BRD2: variants seen among roughly 807,000 people sequenced by gnomAD.
BRD2 encodes the protein bromodomain containing 2.
In BRD2, 15 loss-of-function variants were observed where a neutral mutation model predicts 79.1. That is an observed-to-expected ratio of 0.19 (90% CI 0.13 to 0.29). The LOEUF is 0.29. Ranked by LOEUF, BRD2 falls within the 10% of genes least tolerant of loss-of-function variation. The pLI is 1.00. For synonymous variants in BRD2, 488 were observed against 358.6 expected (o/e 1.36, Z -4.08); for missense variants, 1,053 against 991.3 (o/e 1.06, Z -0.84).
intron 2 of BRD2, 153 bp downstream of exon 2, chr6:32,973,080 T>G (rs1320137403): frequency 5.7e-6 from 9 of 1,580,340 alleles, no homozygotes; most frequent in Middle Eastern, 1.7e-4. Flanking sequence ...TGAGCGACGG[T>G]TTTGGAACGG....
In BRD2 at chr6:32,980,753, G is replaced by A; in HGVS notation, c.*35G>A. On this transcript the variant is annotated 3_prime_UTR_variant, in exon 13 of 13. Coordinates refer to ENST00000374825, the MANE Select transcript of BRD2 (RefSeq NM_005104.4). ...CCAGATGGGGCAGGAAGGCTCCGCAGGACCGGACCCCTAGACCACCCTGCC... is the reference window on the plus strand; with the variant it reads ...CCAGATGGGGCAGGAAGGCTCCGCAAGACCGGACCCCTAGACCACCCTGCC... 1 of 1,610,538 alleles carries A rather than the reference G, an allele frequency of 6.2e-7. No homozygotes were observed. Among genetic ancestry groups the A allele is most frequent in the Non-Finnish European group, 8.5e-7 (1 of 1,179,580 alleles).
At chr6:32,975,037 G>C (rs1778542769) in intron 3 of BRD2, 1 of 1,525,044 alleles carries the variant, frequency 6.6e-7, no homozygotes, top group South Asian at 1.2e-5. Context: ...ACCTCGGGTT[G>C]GGAGAGGACC....
In BRD2 at chr6:32,977,559, C is replaced by T; in HGVS notation, c.1318C>T (p.Arg440Ter). ...AGATCACGATGTTGTGGCAATGGCA[C>T]GAAAGCTACAGGTGAGTGGAAAGGT... ...PPDHDVVAMA[R>*]KLQDVFEFRY... is the part of the protein sequence containing the mutation. The change falls in exon 8 of 13, where the codon CGA (arginine) becomes TGA (stop). Residue 440 changes from arginine (R) to a stop codon, truncating the protein, a stop_gained. Coordinates refer to ENST00000374825, the MANE Select transcript of BRD2 (RefSeq NM_005104.4). LOFTEE classifies it high-confidence loss of function. The T allele has an allele frequency of 6.2e-7, 1 of 1,613,884 alleles. No individual in the cohort carries two copies. Among genetic ancestry groups the T allele is most frequent in the Non-Finnish European group, 8.5e-7 (1 of 1,179,996 alleles).
chr6:32,976,064 C>T lies in BRD2; in HGVS notation c.505C>T (p.Leu169=), dbSNP rs773765711. 6.2e-6 allele frequency: 10 copies of T among 1,612,172 alleles called. No individual in the cohort carries two copies. In the Admixed American group the frequency reaches 1.0e-4, roughly 16 times the overall value. ...TGATATTGTCCTAATGGCACAAACG[C>T]TGGAAAAGATATTCCTACAGAAGGT... The part of the protein sequence containing the change: ...TDDIVLMAQT[L]EKIFLQKVAS... The change falls in exon 5 of 13, where the codon CTG becomes TTG. Residue 169 remains leucine, a synonymous_variant. Transcript: ENST00000374825.
intron 2 of BRD2, among the ~76,000 whole-genome samples, chr6:32,973,755 T>C (rs1415382713): frequency 6.6e-6 from 1 of 152,202 alleles, no homozygotes; most frequent in Admixed American, 6.5e-5. Flanking sequence ...TTGACTGTTT[T>C]GTACGGCTTT....
At position 32,975,415 on chromosome 6, in the gene BRD2, A is replaced by G; in HGVS notation, c.365A>G (p.Asp122Gly). 1.2e-6 allele frequency: 2 copies of G among 1,609,704 alleles called. No homozygotes were observed. The highest frequency in any genetic ancestry group is 1.7e-6 in the Non-Finnish European group (2 of 1,177,138). Residue 122 changes from aspartate (D) to glycine (G), a missense_variant, in exon 4 of 13, where the codon GAC (aspartate) becomes GGC (glycine). Transcript: ENST00000374825. ...CACAAAATTATAAAACAGCCTATGG[A>G]CATGGGTACTATTAAGAGGAGACTT... is the stretch of plus-strand genomic sequence containing the variant. The part of the protein sequence containing the change: ...DYHKIIKQPM[D>G]MGTIKRRLEN...
chr6:32,972,816 T>C lies in BRD2; in HGVS notation c.-83T>C. ...AACGGCCTCCCCCCAACTTAGCGGG[T>C]TATGCTGGACCGGGCGGTGAGGGGA... On this transcript the variant is annotated 5_prime_UTR_variant, in exon 2 of 13. Transcript: ENST00000374825. The C allele has an allele frequency of 6.2e-7, 1 of 1,603,254 alleles. No homozygotes were observed. Among genetic ancestry groups the C allele is most frequent in the African/African-American group, 1.3e-5 (1 of 74,836 alleles).
Position 32,972,563 on chromosome 6 carries a change from C to T in BRD2, c.-336C>T, listed in dbSNP as rs1338679619. 26 of 442,084 alleles carry T rather than the reference C, an allele frequency of 5.9e-5. No individual in the cohort carries two copies. Among genetic ancestry groups the T allele is most frequent in the Non-Finnish European group, 6.5e-5 (16 of 246,166 alleles). The allele number at this position is 442,084 out of a possible 1,614,324, so 27.4% of individuals were successfully genotyped here. ...AGGGGCCCGACAAGAAGAGGGAATCCCTGCAGACCAACAGCGGGCTATATT... is the reference window on the plus strand; with the variant it reads ...AGGGGCCCGACAAGAAGAGGGAATCTCTGCAGACCAACAGCGGGCTATATT... On this transcript the variant is annotated 5_prime_UTR_variant, in exon 2 of 13. Coordinates refer to ENST00000374825, the MANE Select transcript of BRD2 (RefSeq NM_005104.4).
In BRD2 at chr6:32,975,447, AATT is replaced by A. The variant is rs770515794; in HGVS notation, c.404_406del (p.Tyr135del). ...TACTATTAAGAGGAGACTTGAAAAC[AATT>A]ATTATTGGGCTGCTTCAGAGTGTAT... is the stretch of plus-strand genomic sequence containing the variant. On this transcript the variant is annotated inframe_deletion, in exon 4 of 13. Transcript: ENST00000374825. 1.9e-6 allele frequency: 3 copies of A among 1,612,468 alleles called. No individual in the cohort carries two copies. Among genetic ancestry groups the A allele is most frequent in the Non-Finnish European group, 2.5e-6 (3 of 1,179,550 alleles).
At position 32,978,397 on chromosome 6, in the gene BRD2, G is replaced by T; in HGVS notation, c.1841+9G>T. The stretch of plus-strand genomic sequence containing the variant: ...GGAGGAAGTGGCACCAAGTGAGTTA[G>T]AGTAGGAAGCAGAGACTAGTTTGGC... On this transcript the variant is annotated intron_variant, in intron 10 of 12. Transcript: ENST00000374825. The T allele has an allele frequency of 6.2e-7, 1 of 1,610,244 alleles. No homozygotes were observed. Among genetic ancestry groups the T allele is most frequent in the African/African-American group, 1.3e-5 (1 of 74,868 alleles).
Position 32,980,868 on chromosome 6 carries a change from G to A in BRD2, c.*150G>A. The A allele has an allele frequency of 1.1e-6, 1 of 893,590 alleles. No homozygotes were observed. Among genetic ancestry groups the A allele is most frequent in the South Asian group, 1.7e-5 (1 of 60,208 alleles). 55.4% of individuals were successfully genotyped at this position (893,590 alleles called of 1,614,324 possible). A position where few individuals can be genotyped will look rare whatever the true frequency, so the allele number is the denominator to read the frequency against. On this transcript the variant is annotated 3_prime_UTR_variant, in exon 13 of 13. Coordinates refer to ENST00000374825, the MANE Select transcript of BRD2 (RefSeq NM_005104.4). Reference sequence around the variant, plus strand: ...GAGAGCTGGCTCTGCAGTGGGGGAGGGATGCAGGGACATTTACTGAAGGAG... The same window carrying A: ...GAGAGCTGGCTCTGCAGTGGGGGAGAGATGCAGGGACATTTACTGAAGGAG...
chr6:32,974,332 G>C (rs1299324723), intron 2 of BRD2, 130 bp from the exon 3 acceptor site: 2 of 908,086 alleles, frequency 2.2e-6, no homozygotes, highest in African/African-American at 1.7e-5. Flanking sequence ...TATTGTTTCT[G>C]CTTAAGAAGC....
In BRD2 at chr6:32,976,368, A is replaced by G; in HGVS notation, c.729A>G (p.Pro243=). 4 of 1,612,824 alleles carry G rather than the reference A, an allele frequency of 2.5e-6. No homozygotes were observed. Among genetic ancestry groups the G allele is most frequent in the Non-Finnish European group, 3.4e-6 (4 of 1,179,976 alleles). Residue 243 remains proline, a synonymous_variant, in exon 6 of 13, where the codon CCA becomes CCG. Transcript: ENST00000374825. ...IPTTVLNIPH[P]SVISSPLLKS... is the part of the protein sequence containing the mutation. ...CCACTGTCCTCAACATTCCCCACCC[A>G]TCAGTCATTTCCTCTCCACTTCTCA...
chr6:32,973,886 G>A (rs183499535), intron 2 of BRD2, among the ~76,000 whole-genome samples: 7 of 152,204 alleles, frequency 4.6e-5, no homozygotes, highest in African/African-American at 1.7e-4. Context: ...AGTTGATATG[G>A]TTCTTCCTCT....
At position 32,980,353 on chromosome 6, in the gene BRD2, C is replaced by T; in HGVS notation, c.2158C>T (p.Pro720Ser). 5 of 1,612,814 alleles carry T rather than the reference C, an allele frequency of 3.1e-6. No homozygotes were observed. Among genetic ancestry groups the T allele is most frequent in the South Asian group, 1.1e-5 (1 of 91,048 alleles). Residue 720 changes from proline to serine, a missense_variant, in exon 12 of 13, where the codon CCT becomes TCT. Coordinates refer to ENST00000374825, the MANE Select transcript of BRD2 (RefSeq NM_005104.4). Reference sequence around the variant, plus strand: ...ATTTCTTTCATTAGCCATTAAGAAGCCTGTGGGAAAGACAAAGGAGGAACT... The same window carrying T: ...ATTTCTTTCATTAGCCATTAAGAAGTCTGTGGGAAAGACAAAGGAGGAACT... ...KPRKPYTIKK[P>S]VGKTKEELAL... is the part of the protein sequence containing the mutation.
chr6:32,975,666 T>A (rs1582904286), intron 4 of BRD2, 145 bp downstream of exon 4: 2 of 985,246 alleles, frequency 2.0e-6, no homozygotes, highest in African/African-American at 3.3e-5. Flanking sequence ...AAAACCTGAC[T>A]CTAGATGGTA....
rs759008024 is a variant in BRD2, at chr6:32,978,232, A to G, written c.1685A>G (p.Lys562Arg). ...KEKKKKRKAE[K>R]HRGRAGADED... The stretch of plus-strand genomic sequence containing the variant: ...AAAAAGAAGAAACGGAAGGCAGAGA[A>G]GCATCGAGGCCGAGCTGGGGCCGAT... The change falls in exon 10 of 13, where the codon AAG becomes AGG. Residue 562 changes from lysine (K) to arginine (R), a missense_variant. Coordinates refer to ENST00000374825, the MANE Select transcript of BRD2 (RefSeq NM_005104.4). 2 of 1,613,112 alleles carry G rather than the reference A, an allele frequency of 1.2e-6. No homozygotes were observed. Among genetic ancestry groups the G allele is most frequent in the South Asian group, 2.2e-5 (2 of 91,090 alleles).
Position 32,978,170 on chromosome 6 carries a change from A to G in BRD2, c.1623A>G (p.Pro541=), listed in dbSNP as rs1411789817. The change falls in exon 10 of 13, where the codon CCA becomes CCG. Residue 541 remains proline (P), a synonymous_variant. Coordinates refer to ENST00000374825, the MANE Select transcript of BRD2 (RefSeq NM_005104.4). The part of the protein sequence containing the change: ...HEQLAALSQG[P]ISKPKRKREK... ...AACTGGCTGCTCTGTCCCAGGGTCCAATATCCAAGCCCAAGAGGAAAAGAG... is the reference window on the plus strand; with the variant it reads ...AACTGGCTGCTCTGTCCCAGGGTCCGATATCCAAGCCCAAGAGGAAAAGAG... 1 of 1,613,002 alleles carries G rather than the reference A, an allele frequency of 6.2e-7. No homozygotes were observed. The highest frequency in any genetic ancestry group is 8.5e-7 in the Non-Finnish European group (1 of 1,180,016).
rs778724083 is a variant in BRD2, at chr6:32,976,693, G to A, written c.957G>A (p.Glu319=). ...CACGGCTTCCCCCTATGCGTAGAGA[G>A]AGTGGTCGCCCCATCAAGCCCCCAC... ...KAARLPPMRR[E]SGRPIKPPRK... The change falls in exon 7 of 13, where the codon GAG becomes GAA. Residue 319 remains glutamate (E), a synonymous_variant. Transcript: ENST00000374825. 5.0e-6 allele frequency: 8 copies of A among 1,612,104 alleles called. No individual in the cohort carries two copies. The highest frequency in any genetic ancestry group is 6.8e-6 in the Non-Finnish European group (8 of 1,179,716).
Sources: allele counts gnomAD v4.1 joint callset (sites outside exome capture counted in the v4.1 genomes callset), GRCh38; gene constraint gnomAD v4.1.1; transcripts MANE v1.5; gene names NCBI Gene and HGNC (gene_info 2026-07-23, HGNC 2026-07-21).